The following SHANK2 variants were observed in gnomAD, a reference collection of about 807,000 sequenced individuals.
SHANK2 encodes SH3 and multiple ankyrin repeat domains 2.
A neutral mutation model predicts 133.7 loss-of-function variants in SHANK2; 43 were observed. That is an observed-to-expected ratio of 0.32 (90% confidence interval 0.25 to 0.41). SHANK2 has a LOEUF of 0.41. SHANK2 is among the 10% of genes least tolerant of loss of function. The probability of loss-of-function intolerance (pLI) is 1.00; values close to 1 mark genes in which losing one functional copy is unlikely to be tolerated. For synonymous variants in SHANK2, 1,017 were observed against 952.8 expected, an observed-to-expected ratio of 1.07 and a Z score of -1.24; for missense variants, 1,994 against 2,235.8, an observed-to-expected ratio of 0.89 and a Z score of 2.18.
At chr11:71,228,691 G>T (rs1954685226) in intron 1 of SHANK2, among the ~76,000 whole-genome samples, 1 of 152,228 alleles carries the variant, frequency 6.6e-6, no homozygotes, top group Non-Finnish European at 1.5e-5. Context: ...CTAAGAGGCG[G>T]AGGTTGCAGT....
intron 17 of SHANK2, among the ~76,000 whole-genome samples, chr11:70,621,478 T>C (rs1427547556): frequency 1.3e-5 from 2 of 152,208 alleles, no homozygotes; most frequent in African/African-American, 4.8e-5. Context: ...CACTGCCAGA[T>C]GCACACCAAA....
intron 15 of SHANK2, chr11:70,662,070 G>C (rs1287351727): frequency 2.1e-6 from 1 of 485,058 alleles, no homozygotes; most frequent in Non-Finnish European, 3.8e-6. Flanking sequence ...CCTCAGCAGC[G>C]GCGGCGTCGG....
chr11:70,617,895 G>C (rs1476589940), intron 17 of SHANK2, among the ~76,000 whole-genome samples: 6 of 152,096 alleles, frequency 3.9e-5, no homozygotes, highest in African/African-American at 1.4e-4. Flanking sequence ...GCTAAATGAC[G>C]AGTTAATGGG....
chr11:70,485,952 C>G lies in SHANK2; in HGVS notation c.4341G>C (p.Gln1447His), dbSNP rs782116235. ...LVKQKKSDTPQSPSLNSSQPT... is the reference protein window; with the variant it reads ...LVKQKKSDTPHSPSLNSSQPT... Reference sequence around the variant, plus strand: ...GTTGGCTGGAGTTCAACGAAGGGGACTGAGGGGTGTCGCTTTTCTTCTGCT... The same window carrying G: ...GTTGGCTGGAGTTCAACGAAGGGGAGTGAGGGGTGTCGCTTTTCTTCTGCT... Residue 1447 changes from glutamine to histidine, a missense_variant, in exon 25 of 26, where the codon CAG becomes CAC. Coordinates refer to ENST00000601538, the MANE Select transcript of SHANK2 (RefSeq NM_012309.5). The surrounding 1 kb of genome is among the most constrained non-coding windows in gnomAD (Gnocchi z 5.8). 5.0e-6 allele frequency: 8 copies of G among 1,614,144 alleles called. No individual in the cohort carries two copies. Among genetic ancestry groups the G allele is most frequent in the Middle Eastern group, 1.6e-4 (1 of 6,062 alleles).
At chr11:70,515,395 T>A (rs1251514573) in intron 17 of SHANK2, among the ~76,000 whole-genome samples, 1 of 152,210 alleles carries the variant, frequency 6.6e-6, no homozygotes, top group African/African-American at 2.4e-5. Flanking sequence ...CCTTATTTTA[T>A]ACACAGTAGA....
chr11:71,107,735 T>C (rs1951822452), intron 6 of SHANK2, among the ~76,000 whole-genome samples: 1 of 152,226 alleles, frequency 6.6e-6, no homozygotes, highest in Non-Finnish European at 1.5e-5. Flanking sequence ...GAGTCTGCAC[T>C]GATGTGTTTT....
intron 11 of SHANK2, among the ~76,000 whole-genome samples, chr11:70,880,895 C>T (rs930392671): frequency 6.6e-6 from 1 of 152,222 alleles, no homozygotes; most frequent in Non-Finnish European, 1.5e-5. Flanking sequence ...GGATTTCTCG[C>T]TGGGTCTGTG....
chr11:70,511,103 GACA>G (rs2059199419), intron 17 of SHANK2, among the ~76,000 whole-genome samples: 1 of 151,922 alleles, frequency 6.6e-6, no homozygotes, highest in East Asian at 1.9e-4. Flanking sequence ...TGAGCACTTT[GACA>G]ACAAGGCTCA....
intron 10 of SHANK2, among the ~76,000 whole-genome samples, chr11:70,920,117 T>C (rs1950329467): frequency 6.6e-6 from 1 of 152,226 alleles, no homozygotes; most frequent in African/African-American, 2.4e-5. Context: ...TCATAGGGCA[T>C]TTTGTCAATT....
chr11:70,683,418 C>T (rs537728619), intron 15 of SHANK2, among the ~76,000 whole-genome samples: 1 of 152,356 alleles, frequency 6.6e-6, no homozygotes, highest in South Asian at 2.1e-4. Flanking sequence ...TCCTTCCACC[C>T]CTGGAACTTG....
chr11:71,152,173 T>A (rs552449054), intron 2 of SHANK2, among the ~76,000 whole-genome samples: 22 of 152,186 alleles, frequency 1.4e-4, no homozygotes, highest in Non-Finnish European at 2.5e-4. Context: ...AGTGCAGGGG[T>A]GCAATCTCGG....
At chr11:70,538,301 G>C (rs782591043) in intron 17 of SHANK2, among the ~76,000 whole-genome samples, 1 of 152,220 alleles carries the variant, frequency 6.6e-6, no homozygotes, top group East Asian at 1.9e-4. Context: ...AGAATTAGCC[G>C]ACAGTGACCC....
intron 17 of SHANK2, among the ~76,000 whole-genome samples, chr11:70,515,775 G>A (rs1554969935): frequency 6.6e-6 from 1 of 151,994 alleles, no homozygotes; most frequent in Non-Finnish European, 1.5e-5. Flanking sequence ...TCACACCACT[G>A]CACTCCAGCC....
At chr11:70,617,305 A>G (rs1438122378) in intron 17 of SHANK2, among the ~76,000 whole-genome samples, 10 of 149,376 alleles carry the variant, frequency 6.7e-5, no homozygotes, top group African/African-American at 7.4e-5. Context: ...CTGAGAGAGT[A>G]TGTGTGTGTG....
chr11:71,189,142 C>G (rs1422944704), intron 2 of SHANK2, among the ~76,000 whole-genome samples: 2 of 152,254 alleles, frequency 1.3e-5, no homozygotes, highest in Non-Finnish European at 2.9e-5. Context: ...CCCTCTCCCT[C>G]CCCTTGTTCC....
At chr11:70,755,486 C>G (rs1378924881) in intron 14 of SHANK2, among the ~76,000 whole-genome samples, 4 of 152,252 alleles carry the variant, frequency 2.6e-5, no homozygotes, top group African/African-American at 7.2e-5. Flanking sequence ...CGTCCAACCT[C>G]TTGGCCTCTC....
chr11:70,674,491 G>C (rs530742889), intron 15 of SHANK2, among the ~76,000 whole-genome samples: 2 of 152,178 alleles, frequency 1.3e-5, no homozygotes, highest in African/African-American at 4.8e-5. Context: ...TGTAATTATG[G>C]GAGCCCGCCA....
intron 9 of SHANK2, among the ~76,000 whole-genome samples, chr11:71,068,019 C>A (rs2135958191): frequency 6.6e-6 from 1 of 151,970 alleles, no homozygotes; most frequent in South Asian, 2.1e-4. Flanking sequence ...CATATCATCA[C>A]TAGCATCATC....
At chr11:70,601,017 A>T (rs1554990952) in intron 17 of SHANK2, among the ~76,000 whole-genome samples, 1 of 56,118 alleles carries the variant, frequency 1.8e-5, no homozygotes, top group Non-Finnish European at 4.3e-5. Flanking sequence ...TAAAGAGAAT[A>T]TATCTATATC....
Sources: gnomAD v4.1 joint callset for allele counts (sites outside exome capture counted in the v4.1 genomes callset) on GRCh38, gnomAD v4.1.1 for gene constraint, Gnocchi (gnomAD v3.1) non-coding constraint, MANE v1.5 for transcripts, NCBI Gene and HGNC (gene_info 2026-07-23, HGNC 2026-07-21) for gene names.